DRC2: variants seen among roughly 807,000 people sequenced by gnomAD.
DRC2 encodes the protein dynein regulatory complex subunit 2.
chr12:48,917,300 C>CA, the DRC2 span, among the ~76,000 whole-genome samples: 2 of 135,026 alleles, frequency 1.5e-5, no homozygotes, highest in African/African-American at 5.3e-5. Flanking sequence ...CCGGCCCCCC[C>CA]AAAAAAGAAA....
At chr12:48,913,697 A>G in the DRC2 span, among the ~76,000 whole-genome samples, 2 of 151,760 alleles carry the variant, frequency 1.3e-5, no homozygotes, top group Middle Eastern at 6.9e-3. Context: ...GGGTTTCACT[A>G]TGTTGGCCAG....
the DRC2 span, chr12:48,914,691 C>G: frequency 2.1e-6 from 2 of 934,346 alleles, no homozygotes; most frequent in African/African-American, 3.3e-5. Context: ...TTGATTATCA[C>G]GGGACCCCCA....
the DRC2 span, among the ~76,000 whole-genome samples, chr12:48,909,853 T>C: frequency 6.6e-6 from 1 of 150,762 alleles, no homozygotes; most frequent in Non-Finnish European, 1.5e-5. Context: ...CAATCTCTGC[T>C]CACTGCAGTC....
At chr12:48,916,861 G>C in the DRC2 span, 1 of 979,886 alleles carries the variant, frequency 1.0e-6, no homozygotes, top group Non-Finnish European at 1.5e-6. Flanking sequence ...TTCTCCATCA[G>C]TACCTAAGAG....
chr12:48,914,510 G>C, the DRC2 span: 1 of 1,614,200 alleles, frequency 6.2e-7, no homozygotes, highest in African/African-American at 1.3e-5. Flanking sequence ...CACCGGCTCA[G>C]TCTCCTGGAG....
the DRC2 span, among the ~76,000 whole-genome samples, chr12:48,912,450 A>AAAAAAAAAAAAAAAAAAAAAC: frequency 6.7e-6 from 1 of 149,398 alleles, no homozygotes. Flanking sequence ...AAAAAAAAAA[A>AAAAAAAAAAAAAAAAAAAAAC]AAAAAAAAAA....
the DRC2 span, chr12:48,916,883 C>A: frequency 7.6e-7 from 1 of 1,316,568 alleles, no homozygotes; most frequent in Non-Finnish European, 1.1e-6. Flanking sequence ...TTGTACCATT[C>A]ACATAGATTA....
At chr12:48,910,861 A>G in the DRC2 span, among the ~76,000 whole-genome samples, 1 of 152,098 alleles carries the variant, frequency 6.6e-6, no homozygotes, top group African/African-American at 2.4e-5. Flanking sequence ...CCTGGGCAAC[A>G]TGGTAAAACC....
the DRC2 span, among the ~76,000 whole-genome samples, chr12:48,909,287 C>T: frequency 9.2e-5 from 14 of 152,002 alleles, no homozygotes; most frequent in Non-Finnish European, 2.9e-5. Flanking sequence ...AGGTGATCCA[C>T]CTGCCTTGGC....
the DRC2 span, among the ~76,000 whole-genome samples, chr12:48,912,997 C>T: frequency 4.0e-5 from 6 of 151,568 alleles, no homozygotes; most frequent in Admixed American, 1.3e-4. Context: ...ATTAGCTGGT[C>T]GTGGTGGCAT....
the DRC2 span, chr12:48,920,794 A>G: frequency 1.7e-5 from 12 of 687,198 alleles, no homozygotes; most frequent in South Asian, 2.3e-4. Context: ...GGTAACCTCC[A>G]TTTGCTATAT....
At chr12:48,918,163 C>T in the DRC2 span, 3 of 975,768 alleles carry the variant, frequency 3.1e-6, no homozygotes, top group Non-Finnish European at 4.7e-6. Context: ...CATGGGAGAC[C>T]TCTGTACTAA....
chr12:48,917,983 T>G, the DRC2 span, among the ~76,000 whole-genome samples: 1 of 152,196 alleles, frequency 6.6e-6, no homozygotes, highest in South Asian at 2.1e-4. Context: ...CTTGAAAAAT[T>G]TAAAGATCTG....
the DRC2 span, chr12:48,914,484 C>G: frequency 6.2e-7 from 1 of 1,614,216 alleles, no homozygotes; most frequent in African/African-American, 1.3e-5. Flanking sequence ...TTGACCAGCT[C>G]TTGGCCCTGC....
the DRC2 span, among the ~76,000 whole-genome samples, chr12:48,915,120 T>TG: frequency 3.7e-4 from 56 of 150,978 alleles, no homozygotes; most frequent in South Asian, 0.011. Context: ...CTTTCTTTTT[T>TG]TTTTTTTTTT....
chr12:48,904,838 C>A, the DRC2 span: 2 of 921,016 alleles, frequency 2.2e-6, no homozygotes, highest in South Asian at 1.9e-5. Context: ...GCCATCAGGC[C>A]GTTCCCATCG....
At chr12:48,915,883 C>T in the DRC2 span, among the ~76,000 whole-genome samples, 4 of 148,154 alleles carry the variant, frequency 2.7e-5, no homozygotes, top group East Asian at 2.1e-4. Context: ...ACTTCTCAGA[C>T]GGGGCGGCTG....
chr12:48,921,479 C>T, the DRC2 span: 147 of 1,552,546 alleles, frequency 9.5e-5, 1 homozygote, highest in Non-Finnish European at 1.2e-4. Context: ...TCTTCCACAA[C>T]CTGTGATCTA....
chr12:48,904,207 C>G, the DRC2 span: 134 of 1,274,770 alleles, frequency 1.1e-4, 1 homozygote, highest in Admixed American at 2.6e-4. Flanking sequence ...CTGAGATCTC[C>G]GGTCCCACAA....
Sources: gnomAD v4.1 joint callset for allele counts (sites outside exome capture counted in the v4.1 genomes callset) on GRCh38, gnomAD v4.1.1 for gene constraint, MANE v1.5 for transcripts, NCBI Gene and HGNC (gene_info 2026-07-23, HGNC 2026-07-21) for gene names.